The following ZNF536 variants were observed in gnomAD, a reference collection of about 807,000 sequenced individuals.
The protein encoded by ZNF536 is zinc finger protein 536.
A neutral mutation model predicts 84.5 loss-of-function variants in ZNF536; 13 were observed. The ratio of observed to expected loss-of-function variants is 0.15; its 90% confidence interval spans 0.10 to 0.24. ZNF536 has a LOEUF of 0.24. Among genes scored for constraint, ZNF536 ranks in the 10% least tolerant of loss-of-function variants. ZNF536 has a pLI of 1.00. For missense variants in ZNF536, 1,536 were observed against 1,747.5 expected (o/e 0.88, Z 2.16); for synonymous variants, 811 against 742.5 (o/e 1.09, Z -1.50).
rs146539452 is a variant in ZNF536, at chr19:30,405,830, T to G, written c.-3+33274T>G. 8.6e-5 allele frequency among the ~76,000 whole-genome samples: 13 copies of G among 151,240 alleles called. No individual in the cohort carries two copies. The East Asian group carries it at 2.5e-3, about 30-fold the overall frequency. ...TCTCACTCTGTATCCCAGGTTGGAG[T>G]GCACTGGCACAATCTCCACTCACTG... On this transcript the variant is annotated intron_variant, in intron 1 of 4. Coordinates refer to ENST00000355537, the MANE Select transcript of ZNF536 (RefSeq NM_014717.3).
chr19:30,656,440 C>T (rs895129619), intron 1 of ZNF536, among the ~76,000 whole-genome samples: 6 of 152,200 alleles, frequency 3.9e-5, no homozygotes, highest in African/African-American at 1.4e-4. Context: ...TTGGCTGGAG[C>T]ACGTTGCACC....
In ZNF536 at chr19:30,632,052, G is replaced by A. The variant is rs142193245; in HGVS notation, c.170-78705G>A. The stretch of plus-strand genomic sequence containing the variant: ...AGAGCCCATAGGCGTTACATTTAGC[G>A]TTCTTCTCCTGGTGGGGGTTCAAGG... On this transcript the variant is annotated intron_variant, in intron 1 of 1. Coordinates refer to the ZNF536 transcript ENST00000592773. 1.8e-3 allele frequency among the ~76,000 whole-genome samples: 274 copies of A among 152,290 alleles called. 4 individuals carry two copies. Among genetic ancestry groups the A allele is most frequent in the East Asian group, 0.012 (61 of 5,172 alleles).
rs564793385 is a variant in ZNF536, at chr19:30,591,870, T to C, written c.169+42356T>C. On this transcript the variant is annotated intron_variant, in intron 1 of 1. Coordinates refer to the ZNF536 transcript ENST00000592773. ...AGGTGGCCTTGGAAAACTTTCTCAG[T>C]GCAGTTTGGAAAGCTTAGTACTCAC... 3.3e-5 allele frequency among the ~76,000 whole-genome samples: 5 copies of C among 152,344 alleles called. No homozygotes were observed. The South Asian group carries it at 1.0e-3, about 32-fold the overall frequency.
upstream of ZNF536, among the ~76,000 whole-genome samples, chr19:30,226,121 G>A (rs985991154): frequency 6.6e-6 from 1 of 151,568 alleles, no homozygotes; most frequent in African/African-American, 2.4e-5. This position sits in a 1 kb window ranked among gnomAD's most constrained non-coding sequence, Gnocchi z 4.6. Flanking sequence ...GCGCGATCGG[G>A]ACCCCGCGTC....
At chr19:30,279,442 T>C (rs1386685481) in intron 1 of ZNF536, among the ~76,000 whole-genome samples, 1 of 152,138 alleles carries the variant, frequency 6.6e-6, no homozygotes. Context: ...TGGAAATCTG[T>C]AGCAACAATG....
chr19:30,540,335 A>T (rs1021659463), intron 3 of ZNF536, among the ~76,000 whole-genome samples: 2 of 152,164 alleles, frequency 1.3e-5, no homozygotes, highest in Non-Finnish European at 2.9e-5. Flanking sequence ...CTGCACACCC[A>T]GTCGGGTGTA....
intron 1 of ZNF536, among the ~76,000 whole-genome samples, chr19:30,382,428 T>C (rs1435426040): frequency 6.6e-6 from 1 of 152,172 alleles, no homozygotes; most frequent in Non-Finnish European, 1.5e-5. Context: ...ACATTTAAAT[T>C]AGAACTTTCA....
chr19:30,335,355 T>C (rs2047347787), intron 2 of ZNF536, among the ~76,000 whole-genome samples: 1 of 152,150 alleles, frequency 6.6e-6, no homozygotes. Context: ...TTAATCTCGA[T>C]GATGGAAGCT....
chr19:30,574,228 C>A (rs2046650703), intron 1 of ZNF536, among the ~76,000 whole-genome samples: 1 of 152,144 alleles, frequency 6.6e-6, no homozygotes, highest in South Asian at 2.1e-4. Flanking sequence ...TTCTTTTGTA[C>A]CCTAAAACTA....
intron 1 of ZNF536, among the ~76,000 whole-genome samples, chr19:30,708,578 G>A (rs2052342719): frequency 6.6e-6 from 1 of 152,206 alleles, no homozygotes; most frequent in African/African-American, 2.4e-5. Context: ...GCCACCCGCG[G>A]GCTGCCATGT....
At chr19:30,537,589 G>A (rs1350251821) in intron 3 of ZNF536, among the ~76,000 whole-genome samples, 2 of 152,216 alleles carry the variant, frequency 1.3e-5, no homozygotes, top group African/African-American at 2.4e-5. Context: ...AGCTTCCCGG[G>A]GGGTAAGAGA....
At chr19:30,631,319 G>A (rs1204849196) in intron 1 of ZNF536, among the ~76,000 whole-genome samples, 18 of 152,200 alleles carry the variant, frequency 1.2e-4, no homozygotes, top group Admixed American at 1.2e-3. Flanking sequence ...GGGGAGAACA[G>A]TTTGGGGATG....
Position 30,462,091 on chromosome 19 carries a change from C to A in ZNF536, c.2170+16359C>A, listed in dbSNP as rs142981777. Reference sequence around the variant, plus strand: ...GGGAGGGCCTCCAGAGGAGGGGTGGCTGAGAGTTTTGTTGTTGTGGGCACA... The same window carrying A: ...GGGAGGGCCTCCAGAGGAGGGGTGGATGAGAGTTTTGTTGTTGTGGGCACA... On this transcript the variant is annotated intron_variant, in intron 2 of 4. Transcript: ENST00000355537. 7.8e-3 allele frequency among the ~76,000 whole-genome samples: 1,192 copies of A among 152,270 alleles called. 21 individuals are homozygous for A. Among genetic ancestry groups the A allele is most frequent in the African/African-American group, 0.027 (1,137 of 41,560 alleles).
intron 1 of ZNF536, among the ~76,000 whole-genome samples, chr19:30,439,865 G>T (rs1433534297): frequency 2.6e-5 from 4 of 152,118 alleles, no homozygotes; most frequent in African/African-American, 9.7e-5. Flanking sequence ...CAAGCCTGGG[G>T]TGATAACCAT....
chr19:30,262,550 T>C (rs2025282623), intron 1 of ZNF536, among the ~76,000 whole-genome samples: 2 of 152,200 alleles, frequency 1.3e-5, no homozygotes, highest in South Asian at 4.1e-4. Flanking sequence ...CCACTGCCTC[T>C]GCGTGTGCTG....
At chr19:30,294,611 T>G (rs1376836027) in intron 2 of ZNF536, among the ~76,000 whole-genome samples, 2 of 151,878 alleles carry the variant, frequency 1.3e-5, no homozygotes, top group East Asian at 3.9e-4. Context: ...GACTTCAATG[T>G]TTTTAGAAAT....
At chr19:30,550,641 G>T (rs1326387456) in intron 4 of ZNF536, among the ~76,000 whole-genome samples, 5 of 151,974 alleles carry the variant, frequency 3.3e-5, no homozygotes, top group Admixed American at 2.0e-4. Context: ...AAAAGGGAAG[G>T]AAGGGGGGGA....
intron 1 of ZNF536, among the ~76,000 whole-genome samples, chr19:30,565,244 T>A (rs1239976144): frequency 6.6e-6 from 1 of 151,898 alleles, no homozygotes; most frequent in East Asian, 1.9e-4. Context: ...AATCTGGGCT[T>A]GTGACTGCCT....
intron 1 of ZNF536, among the ~76,000 whole-genome samples, chr19:30,613,467 T>A (rs926136255): frequency 1.3e-5 from 2 of 152,178 alleles, no homozygotes; most frequent in Admixed American, 1.3e-4. Flanking sequence ...TGGTTATTCA[T>A]TTTGAAAAAT....
Sources: allele counts gnomAD v4.1 joint callset (sites outside exome capture counted in the v4.1 genomes callset), GRCh38; gene constraint gnomAD v4.1.1; non-coding constraint Gnocchi (gnomAD v3.1); transcripts MANE v1.5; gene names NCBI Gene and HGNC (gene_info 2026-07-23, HGNC 2026-07-21).